The following GRM1 variants were observed in gnomAD, a reference collection of about 807,000 sequenced individuals.
GRM1 encodes metabotropic glutamate receptor 1.
Under a neutral mutation model 90.9 loss-of-function variants are expected in GRM1, and 33 were observed. The observed-to-expected ratio is 0.36, with a 90% CI of 0.28 to 0.49. The LOEUF is 0.49. Among genes scored for constraint, GRM1 ranks in the 20% least tolerant of loss-of-function variants. GRM1 has a pLI of 0.99. For missense variants in GRM1, 1,190 were observed against 1,534.3 expected (o/e 0.78, Z 3.75); for synonymous variants, 700 against 613.2 (o/e 1.14, Z -2.09).
intron 6 of GRM1, among the ~76,000 whole-genome samples, chr6:146,397,286 A>G (rs1279622568): frequency 1.3e-5 from 2 of 151,922 alleles, no homozygotes; most frequent in Non-Finnish European, 2.9e-5. Flanking sequence ...CATCCTGGCT[A>G]ACACAGTGAA....
At position 146,436,502 on chromosome 6, in the gene GRM1, C is replaced by A. The variant is rs959679222; in HGVS notation, c.*1706C>A. ...TTGAGTGTCTAACATACAGTAACATCTAACTCAGCTAATAATTTGTAAAAT... is the reference window on the plus strand; with the variant it reads ...TTGAGTGTCTAACATACAGTAACATATAACTCAGCTAATAATTTGTAAAAT... On this transcript the variant is annotated 3_prime_UTR_variant, in exon 8 of 8. Transcript: ENST00000282753. 2 of 152,154 alleles carry A rather than the reference C, an allele frequency of 1.3e-5. No homozygotes were observed. Among genetic ancestry groups the A allele is most frequent in the Non-Finnish European group, 2.9e-5 (2 of 68,010 alleles). The allele number at this position is 152,154 out of a possible 1,614,324, so 9.4% of individuals were successfully genotyped here.
chr6:146,371,168 C>T lies in GRM1; in HGVS notation c.1602+13474C>T, dbSNP rs938319261. Among the ~76,000 whole-genome samples, 3 of 151,988 alleles carry T rather than the reference C, an allele frequency of 2.0e-5. No individual in the cohort carries two copies. In the South Asian group the frequency reaches 6.2e-4, roughly 32 times the overall value. On this transcript the variant is annotated intron_variant, in intron 5 of 7. Coordinates refer to ENST00000282753, the MANE Select transcript of GRM1 (RefSeq NM_001278064.2). Reference sequence around the variant, plus strand: ...AAACATGGCCTCTTCTTTTGAGGAACTCATAGTGTAACTGGGGAAAAACGG... The same window carrying T: ...AAACATGGCCTCTTCTTTTGAGGAATTCATAGTGTAACTGGGGAAAAACGG...
At chr6:146,175,055 A>C (rs541055393) in intron 2 of GRM1, among the ~76,000 whole-genome samples, 1 of 152,260 alleles carries the variant, frequency 6.6e-6, no homozygotes, top group Admixed American at 6.5e-5. Context: ...TGTGGAAGTG[A>C]TATCCTGTTA....
chr6:146,060,059 G>A (rs980382397), intron 1 of GRM1, among the ~76,000 whole-genome samples: 5 of 151,964 alleles, frequency 3.3e-5, no homozygotes, highest in African/African-American at 1.2e-4. Context: ...TCCTTTCAGG[G>A]ACTTTTTATT....
Position 146,064,906 on chromosome 6 carries a change from C to T in GRM1, c.700+34689C>T, listed in dbSNP as rs80301337. Reference sequence around the variant, plus strand: ...AGATTGAGTCTTATACTTAACAAACCATCAATATCATCAATATCTAAATAC... The same window carrying T: ...AGATTGAGTCTTATACTTAACAAACTATCAATATCATCAATATCTAAATAC... On this transcript the variant is annotated intron_variant, in intron 1 of 7. Transcript: ENST00000282753. Among the ~76,000 whole-genome samples the T allele has an allele frequency of 1.1e-4, 17 of 151,700 alleles. No homozygotes were observed. The East Asian group carries it at 3.3e-3, about 29-fold the overall frequency.
chr6:146,400,750 C>T (rs1777129883), intron 7 of GRM1, among the ~76,000 whole-genome samples: 1 of 152,104 alleles, frequency 6.6e-6, no homozygotes, highest in South Asian at 2.1e-4. Flanking sequence ...ATTAATTTCA[C>T]TCTTTCAAAC....
At chr6:146,281,242 G>GTA (rs1782555187) in intron 2 of GRM1, among the ~76,000 whole-genome samples, 1 of 152,148 alleles carries the variant, frequency 6.6e-6, no homozygotes, top group Non-Finnish European at 1.5e-5. Flanking sequence ...TATGACTGGT[G>GTA]TAACAGGAAG....
At chr6:146,157,330 C>G (rs1266605646) in intron 1 of GRM1, among the ~76,000 whole-genome samples, 1 of 152,074 alleles carries the variant, frequency 6.6e-6, no homozygotes, top group Non-Finnish European at 1.5e-5. Flanking sequence ...CAACAGATCA[C>G]AAGATATGGA....
Position 146,046,513 on chromosome 6 carries a change from C to T in GRM1, c.700+16296C>T, listed in dbSNP as rs1279808365. On this transcript the variant is annotated intron_variant, in intron 1 of 7. Transcript: ENST00000282753. Reference sequence around the variant, plus strand: ...ACATTAATTTCTTCATATGCTCTGCCTACTGTCTGATTTTCTTCCACCCTT... The same window carrying T: ...ACATTAATTTCTTCATATGCTCTGCTTACTGTCTGATTTTCTTCCACCCTT... Among the ~76,000 whole-genome samples, 5 of 151,970 alleles carry T rather than the reference C, an allele frequency of 3.3e-5. No individual in the cohort carries two copies. In the East Asian group the frequency reaches 7.8e-4, roughly 24 times the overall value.
intron 1 of GRM1, among the ~76,000 whole-genome samples, chr6:146,075,846 G>A (rs1475917451): frequency 3.9e-5 from 6 of 152,108 alleles, no homozygotes; most frequent in Non-Finnish European, 7.4e-5. Context: ...CCTCTATTTT[G>A]TGTGTGTCTC....
intron 3 of GRM1, among the ~76,000 whole-genome samples, chr6:146,318,363 A>G (rs1040278564): frequency 1.3e-5 from 2 of 152,232 alleles, no homozygotes; most frequent in Admixed American, 6.5e-5. Flanking sequence ...ATAGTATTCA[A>G]TTATGTATAT....
chr6:146,267,087 G>T (rs1201427173), intron 2 of GRM1, among the ~76,000 whole-genome samples: 1 of 152,044 alleles, frequency 6.6e-6, no homozygotes, highest in Non-Finnish European at 1.5e-5. Flanking sequence ...CCCCCCATGT[G>T]TCCATGTGTT....
At chr6:146,104,213 G>A (rs1777145684) in intron 1 of GRM1, among the ~76,000 whole-genome samples, 1 of 152,178 alleles carries the variant, frequency 6.6e-6, no homozygotes, top group African/African-American at 2.4e-5. Context: ...GGCCGAGGCG[G>A]GCGGATCACG....
chr6:146,331,340 A>G (rs112853493), intron 3 of GRM1, among the ~76,000 whole-genome samples: 733 of 152,328 alleles, frequency 4.8e-3, no homozygotes, highest in Non-Finnish European at 7.8e-3. Flanking sequence ...TAGGGAAGAA[A>G]GAATAAATCT....
At chr6:146,252,498 A>G (rs1781327543) in intron 2 of GRM1, among the ~76,000 whole-genome samples, 1 of 152,042 alleles carries the variant, frequency 6.6e-6, no homozygotes, top group South Asian at 2.1e-4. Flanking sequence ...TTAGCCAGGC[A>G]TGGTGGTGGG....
At chr6:146,115,761 A>C (rs1399735293) in intron 1 of GRM1, among the ~76,000 whole-genome samples, 2 of 151,984 alleles carry the variant, frequency 1.3e-5, no homozygotes, top group African/African-American at 2.4e-5. Context: ...TTTTGATTGG[A>C]TATTCTTGTA....
intron 3 of GRM1, among the ~76,000 whole-genome samples, chr6:146,306,709 G>C (rs1208403161): frequency 6.6e-6 from 1 of 152,118 alleles, no homozygotes. Flanking sequence ...TACTGAAAAA[G>C]CAGGTGAAGG....
intron 2 of GRM1, among the ~76,000 whole-genome samples, chr6:146,258,954 A>G (rs1781583331): frequency 6.6e-6 from 1 of 152,186 alleles, no homozygotes; most frequent in Non-Finnish European, 1.5e-5. Context: ...TGACTTGTCA[A>G]GAATGCTAAT....
At chr6:146,381,303 C>T (rs969753100) in intron 5 of GRM1, among the ~76,000 whole-genome samples, 2 of 152,154 alleles carry the variant, frequency 1.3e-5, no homozygotes, top group African/African-American at 2.4e-5. Context: ...AAGTTCAAAC[C>T]CATGGAATCA....
Sources: gnomAD v4.1 joint callset for allele counts (sites outside exome capture counted in the v4.1 genomes callset) on GRCh38, gnomAD v4.1.1 for gene constraint, MANE v1.5 for transcripts, NCBI Gene and HGNC (gene_info 2026-07-23, HGNC 2026-07-21) for gene names.